Variants in PIK3C2G observed in about 807,000 individuals in gnomAD.
PIK3C2G encodes phosphatidylinositol 3-kinase C2 domain-containing subunit gamma.
Under a neutral mutation model 181.1 loss-of-function variants are expected in PIK3C2G, and 168 were observed. That is an observed-to-expected ratio of 0.93 (90% CI 0.82 to 1.05). PIK3C2G has a LOEUF of 1.05. Ranked by LOEUF, PIK3C2G falls within the 50% of genes least tolerant of loss-of-function variation. The probability of loss-of-function intolerance (pLI) is 0.00; values close to 1 mark genes in which losing one functional copy is unlikely to be tolerated. For missense variants in PIK3C2G, 1,869 were observed against 1,732.8 expected (o/e 1.08, Z -1.40); for synonymous variants, 573 against 592.2 (o/e 0.97, Z 0.47).
At chr12:18,388,223 C>T (rs1419579502) in intron 14 of PIK3C2G, among the ~76,000 whole-genome samples, 3 of 152,028 alleles carry the variant, frequency 2.0e-5, no homozygotes, top group African/African-American at 7.2e-5. Flanking sequence ...TTTCCTTCCT[C>T]TGAACTGCAA....
intron 18 of PIK3C2G, among the ~76,000 whole-genome samples, chr12:18,453,868 T>C (rs1366640378): frequency 2.6e-5 from 4 of 152,180 alleles, no homozygotes; most frequent in African/African-American, 7.2e-5. Context: ...CAGTTATCTA[T>C]GGTTTAGACT....
chr12:18,673,934 A>G, the PIK3C2G span, among the ~76,000 whole-genome samples: 1 of 152,190 alleles, frequency 6.6e-6, no homozygotes, highest in East Asian at 1.9e-4. Context: ...ACAATTGTCT[A>G]CTAGCAAGAT....
intron 29 of PIK3C2G, among the ~76,000 whole-genome samples, chr12:18,591,670 C>G (rs76786494): frequency 0.016 from 2,405 of 152,032 alleles, 68 homozygotes; most frequent in African/African-American, 0.055. Flanking sequence ...AGCAGTCTTA[C>G]AAGCTTTGTT....
chr12:18,700,813 C>A, the PIK3C2G span, among the ~76,000 whole-genome samples: 2 of 152,108 alleles, frequency 1.3e-5, no homozygotes, highest in Admixed American at 1.3e-4. Flanking sequence ...ACCTAATATA[C>A]TTTCTTTCAT....
chr12:18,587,812 A>C (rs1592654303), intron 29 of PIK3C2G, among the ~76,000 whole-genome samples: 1 of 151,982 alleles, frequency 6.6e-6, no homozygotes, highest in East Asian at 1.9e-4. Context: ...CCTAAGCAAA[A>C]AACAAAACTG....
chr12:18,684,401 G>C, the PIK3C2G span: 2 of 897,020 alleles, frequency 2.2e-6, no homozygotes, highest in South Asian at 3.4e-5. Context: ...TGTGTTTAGA[G>C]CACATAGGTT....
At chr12:18,395,691 G>A (rs61914532) in intron 15 of PIK3C2G, among the ~76,000 whole-genome samples, 19,362 of 150,848 alleles carry the variant, frequency 0.13, 1,282 homozygotes, top group African/African-American at 0.16. Context: ...GGTTTATAAT[G>A]TATAAAAAAT....
chr12:18,701,490 C>T, the PIK3C2G span: 10 of 1,613,986 alleles, frequency 6.2e-6, no homozygotes, highest in South Asian at 9.9e-5. Flanking sequence ...TTTCACAAAA[C>T]ACCACCTCAC....
At chr12:18,666,008 G>A in the PIK3C2G span, among the ~76,000 whole-genome samples, 4 of 151,112 alleles carry the variant, frequency 2.6e-5, no homozygotes, top group African/African-American at 4.9e-5. Context: ...CAAAGTCTTC[G>A]TATACTATTA....
At chr12:18,608,598 C>T (rs897598634) in intron 30 of PIK3C2G, among the ~76,000 whole-genome samples, 1 of 151,336 alleles carries the variant, frequency 6.6e-6, no homozygotes, top group African/African-American at 2.4e-5. Flanking sequence ...AGGAGATATA[C>T]CTAATGTTAA....
At chr12:18,274,688 G>A (rs962260048) in intron 1 of PIK3C2G, among the ~76,000 whole-genome samples, 5 of 152,096 alleles carry the variant, frequency 3.3e-5, no homozygotes, top group African/African-American at 1.2e-4. Flanking sequence ...AGCATTAGGA[G>A]ATACACCTAA....
intron 17 of PIK3C2G, among the ~76,000 whole-genome samples, chr12:18,421,244 TA>T (rs1565703520): frequency 6.6e-6 from 1 of 151,788 alleles, no homozygotes; most frequent in East Asian, 1.9e-4. Flanking sequence ...GAAAATTTTT[TA>T]AAAATGATTT....
intron 1 of PIK3C2G, among the ~76,000 whole-genome samples, chr12:18,277,718 TG>T (rs746809225): frequency 1.4e-4 from 21 of 152,190 alleles, no homozygotes; most frequent in Non-Finnish European, 2.6e-4. Context: ...TAAACATTTT[TG>T]TTCCTATTCT....
chr12:18,377,884 T>C (rs952842731), intron 13 of PIK3C2G, among the ~76,000 whole-genome samples: 1 of 152,180 alleles, frequency 6.6e-6, no homozygotes, highest in African/African-American at 2.4e-5. Context: ...GAGATGGAGT[T>C]TCACTCTCGT....
the PIK3C2G span, among the ~76,000 whole-genome samples, chr12:18,680,899 T>A: frequency 2.4e-3 from 372 of 152,180 alleles, no homozygotes; most frequent in Middle Eastern, 0.01. Context: ...GAGTAAATCT[T>A]ATCTATATGA....
At chr12:18,717,789 C>T in the PIK3C2G span, among the ~76,000 whole-genome samples, 2 of 152,136 alleles carry the variant, frequency 1.3e-5, no homozygotes, top group Non-Finnish European at 2.9e-5. Context: ...GGCTATACCT[C>T]CTAAAATTAC....
intron 29 of PIK3C2G, among the ~76,000 whole-genome samples, chr12:18,569,366 C>T (rs1945807387): frequency 6.6e-6 from 1 of 152,084 alleles, no homozygotes; most frequent in African/African-American, 2.4e-5. Context: ...CCAAGCAGAA[C>T]ACCCAGCTGA....
intron 18 of PIK3C2G, among the ~76,000 whole-genome samples, chr12:18,457,677 A>ATT (rs142719647): frequency 3.2e-4 from 48 of 151,238 alleles, no homozygotes; most frequent in African/African-American, 1.1e-3. Flanking sequence ...AGGTGCACTG[A>ATT]TTTTTTTTTA....
chr12:18,665,945 A>C, the PIK3C2G span, among the ~76,000 whole-genome samples: 2 of 151,658 alleles, frequency 1.3e-5, no homozygotes, highest in Admixed American at 6.6e-5. Context: ...AAAAAAAAAA[A>C]AAAACTAGTT....
Sources: gnomAD v4.1 joint callset for allele counts (sites outside exome capture counted in the v4.1 genomes callset) on GRCh38, gnomAD v4.1.1 for gene constraint, MANE v1.5 for transcripts, NCBI Gene and HGNC (gene_info 2026-07-23, HGNC 2026-07-21) for gene names.